The following TAS2R1 variants were observed in gnomAD, a reference collection of about 807,000 sequenced individuals.
TAS2R1 encodes the protein taste 2 receptor member 1, also known as taste receptor type 2 member 1.
For missense variants in TAS2R1, 370 were observed against 353.4 expected, an observed-to-expected ratio of 1.05 and a Z score of -0.38; for synonymous variants, 141 against 134.2, an observed-to-expected ratio of 1.05 and a Z score of -0.35.
chr5:9,845,158 A>T, the TAS2R1 span, among the ~76,000 whole-genome samples: 1 of 152,122 alleles, frequency 6.6e-6, no homozygotes, highest in Non-Finnish European at 1.5e-5. Flanking sequence ...TGGAGCCCTC[A>T]TGATGGGTTT....
the TAS2R1 span, among the ~76,000 whole-genome samples, chr5:9,745,815 C>G: frequency 6.6e-6 from 1 of 152,026 alleles, no homozygotes; most frequent in Non-Finnish European, 1.5e-5. Flanking sequence ...CATAAAAACC[C>G]TAGAAAAAAG....
At chr5:9,762,156 G>A in the TAS2R1 span, among the ~76,000 whole-genome samples, 1 of 152,126 alleles carries the variant, frequency 6.6e-6, no homozygotes, top group African/African-American at 2.4e-5. Flanking sequence ...GCTGTCTAAA[G>A]TCTTTCTGTT....
In TAS2R1 at chr5:9,648,907, C is replaced by G. The variant is rs571365824; in HGVS notation, c.-81+10514G>C. On this transcript the variant is annotated intron_variant, in intron 2 of 2. Coordinates refer to the TAS2R1 transcript ENST00000506620. ...TCCAACTTTTCTCATCTGGAAAGCC[C>G]CTCTTCCTTTTGCTCATTGCAAAAT... is the stretch of plus-strand genomic sequence containing the variant. Among the ~76,000 whole-genome samples the G allele has an allele frequency of 2.2e-4, 33 of 152,178 alleles. No homozygotes were observed. The South Asian group carries it at 6.9e-3, about 32-fold the overall frequency.
chr5:9,736,941 G>T, the TAS2R1 span, among the ~76,000 whole-genome samples: 1 of 152,080 alleles, frequency 6.6e-6, no homozygotes, highest in African/African-American at 2.4e-5. Context: ...TTCTCATTAA[G>T]TTCTCCCTAC....
chr5:9,856,563 T>C, the TAS2R1 span, among the ~76,000 whole-genome samples: 14 of 152,304 alleles, frequency 9.2e-5, no homozygotes, highest in African/African-American at 2.6e-4. Context: ...GCCTGGGAGA[T>C]ACAGGGATCC....
chr5:9,774,840 T>C, the TAS2R1 span, among the ~76,000 whole-genome samples: 1 of 152,242 alleles, frequency 6.6e-6, no homozygotes, highest in Non-Finnish European at 1.5e-5. Context: ...CACAGGCACC[T>C]CTGTGGCCAC....
At chr5:9,632,528 T>C (rs909037437), upstream of TAS2R1, among the ~76,000 whole-genome samples, 2 of 152,226 alleles carry the variant, frequency 1.3e-5, no homozygotes, top group Non-Finnish European at 2.9e-5. Context: ...TTACCCCCAG[T>C]AGAACTTTCA....
intron 1 of TAS2R1, among the ~76,000 whole-genome samples, chr5:9,661,417 T>A (rs1299872357): frequency 6.6e-6 from 1 of 152,302 alleles, no homozygotes; most frequent in East Asian, 1.9e-4. Flanking sequence ...TGAAGGTGAA[T>A]GCATGCTCTC....
the TAS2R1 span, among the ~76,000 whole-genome samples, chr5:9,735,246 G>A: frequency 2.6e-5 from 4 of 151,440 alleles, no homozygotes; most frequent in African/African-American, 9.8e-5. Flanking sequence ...AATTCAACGT[G>A]AGATTTGGGT....
intron 2 of TAS2R1, among the ~76,000 whole-genome samples, chr5:9,636,611 G>A (rs1042279579): frequency 6.6e-6 from 1 of 151,872 alleles, no homozygotes. Flanking sequence ...TCCAGTGTTA[G>A]GTGCATATAT....
chr5:9,690,840 A>C (rs1028119385), intron 1 of TAS2R1, among the ~76,000 whole-genome samples: 1 of 152,064 alleles, frequency 6.6e-6, no homozygotes, highest in Non-Finnish European at 1.5e-5. Context: ...TTTACCAACA[A>C]TCAGGACGTA....
the TAS2R1 span, among the ~76,000 whole-genome samples, chr5:9,844,333 A>G: frequency 6.6e-6 from 1 of 152,168 alleles, no homozygotes; most frequent in Admixed American, 6.5e-5. Flanking sequence ...CTAACTCTCT[A>G]TCTTCATCTC....
the TAS2R1 span, among the ~76,000 whole-genome samples, chr5:9,893,776 G>A: frequency 1.3e-5 from 2 of 151,052 alleles, no homozygotes; most frequent in African/African-American, 5.0e-5. Flanking sequence ...AGATTCTTGT[G>A]ATCTGTCTAC....
At chr5:9,631,140 C>T (rs79201303), upstream of TAS2R1, among the ~76,000 whole-genome samples, 1,012 of 152,242 alleles carry the variant, frequency 6.6e-3, 6 homozygotes, top group African/African-American at 0.023. Flanking sequence ...GGCAGAACCA[C>T]TATGACGGGA....
At chr5:9,765,130 G>A in the TAS2R1 span, among the ~76,000 whole-genome samples, 1 of 152,110 alleles carries the variant, frequency 6.6e-6, no homozygotes, top group South Asian at 2.1e-4. Flanking sequence ...AGTAGTGGTT[G>A]TCTCTAGGAG....
chr5:9,629,294 G>GA, downstream of TAS2R1: 1 of 1,613,560 alleles, frequency 6.2e-7, no homozygotes, highest in Non-Finnish European at 8.5e-7. Flanking sequence ...AGAGAAGAGA[G>GA]AAAAACTTTT....
At chr5:9,633,319 T>TATATATATACAC (rs1475834697), upstream of TAS2R1, among the ~76,000 whole-genome samples, 2 of 137,530 alleles carry the variant, frequency 1.5e-5, no homozygotes, top group African/African-American at 5.9e-5. Context: ...TATATATATA[T>TATATATATACAC]ACACAAATGT....
rs551734295 is a variant in TAS2R1, at chr5:9,629,542, G to T, written c.491C>A (p.Ala164Asp). 8.1e-6 allele frequency: 13 copies of T among 1,613,854 alleles called. No homozygotes were observed. The South Asian group carries it at 1.4e-4, about 18-fold the overall frequency. Residue 164 changes from alanine to aspartate, a missense_variant, in exon 1 of 1, where the codon GCC becomes GAC. Ala to Asp is a moderately radical substitution (Grantham distance 126). Transcript: ENST00000382492. ...CAGTGTATCTTCTTTTTGAATTGTG[G>T]CATTTTGGGAGAAAAATTTCCTTAG... The part of the protein sequence containing the change: ...YFLRKFFSQN[A>D]TIQKEDTLAI...
intron 2 of TAS2R1, among the ~76,000 whole-genome samples, chr5:9,638,502 T>C (rs1740010004): frequency 6.6e-6 from 1 of 152,224 alleles, no homozygotes; most frequent in South Asian, 2.1e-4. Flanking sequence ...TTCTCCTTCC[T>C]GGGGTCAGGG....
Sources: gnomAD v4.1 joint callset for allele counts (sites outside exome capture counted in the v4.1 genomes callset) on GRCh38, gnomAD v4.1.1 for gene constraint, MANE v1.5 for transcripts, NCBI Gene and HGNC (gene_info 2026-07-23, HGNC 2026-07-21) for gene names.